HEMK2: variants seen among roughly 807,000 people sequenced by gnomAD.
HEMK2 encodes the protein methyltransferase HEMK2.
the HEMK2 span, among the ~76,000 whole-genome samples, chr21:28,677,109 C>G: frequency 6.6e-6 from 1 of 152,164 alleles, no homozygotes; most frequent in Non-Finnish European, 1.5e-5. Context: ...CATCGCCTCA[C>G]CCGGTAAGCG....
the HEMK2 span, among the ~76,000 whole-genome samples, chr21:28,595,447 G>C: frequency 6.6e-6 from 1 of 152,062 alleles, no homozygotes; most frequent in African/African-American, 2.4e-5. Flanking sequence ...GTCTTTCTGT[G>C]CCTGGCTTAT....
At chr21:28,617,647 T>C in the HEMK2 span, among the ~76,000 whole-genome samples, 2 of 152,230 alleles carry the variant, frequency 1.3e-5, no homozygotes, top group Admixed American at 1.3e-4. Flanking sequence ...TAGCAGCTCA[T>C]GATATGGCAC....
At chr21:28,806,774 C>T in the HEMK2 span, among the ~76,000 whole-genome samples, 4 of 152,122 alleles carry the variant, frequency 2.6e-5, no homozygotes, top group Non-Finnish European at 4.4e-5. Context: ...TATGCTGCCA[C>T]GCACCAAAGA....
At chr21:28,749,381 A>G in the HEMK2 span, among the ~76,000 whole-genome samples, 174 of 152,294 alleles carry the variant, frequency 1.1e-3, no homozygotes, top group South Asian at 2.3e-3. Context: ...GGTAAATACT[A>G]TTATTATCCC....
the HEMK2 span, among the ~76,000 whole-genome samples, chr21:28,575,936 T>C: frequency 6.6e-6 from 1 of 152,234 alleles, no homozygotes; most frequent in East Asian, 1.9e-4. Context: ...GTTCCTTTTA[T>C]CATTGAGTGG....
the HEMK2 span, among the ~76,000 whole-genome samples, chr21:28,645,878 G>C: frequency 2.6e-5 from 4 of 152,132 alleles, no homozygotes; most frequent in South Asian, 8.3e-4. Flanking sequence ...TCAGAACTGT[G>C]AGCAATAAGT....
At chr21:28,648,679 C>G in the HEMK2 span, among the ~76,000 whole-genome samples, 1 of 152,142 alleles carries the variant, frequency 6.6e-6, no homozygotes, top group Admixed American at 6.5e-5. Flanking sequence ...TTAAAGAACC[C>G]ACTCACCATA....
chr21:28,639,635 T>C, the HEMK2 span, among the ~76,000 whole-genome samples: 2 of 152,230 alleles, frequency 1.3e-5, no homozygotes, highest in Admixed American at 6.5e-5. Context: ...CTCATAAATA[T>C]TAGCATTATA....
At chr21:28,863,741 AG>A in the HEMK2 span, among the ~76,000 whole-genome samples, 1 of 152,078 alleles carries the variant, frequency 6.6e-6, no homozygotes, top group African/African-American at 2.4e-5. Flanking sequence ...TGTTTTTCAG[AG>A]TAAGATTATC....
At chr21:28,803,272 G>C in the HEMK2 span, among the ~76,000 whole-genome samples, 18 of 152,270 alleles carry the variant, frequency 1.2e-4, no homozygotes, top group African/African-American at 4.1e-4. Flanking sequence ...CTGATCCCAA[G>C]GGATTAACAT....
the HEMK2 span, among the ~76,000 whole-genome samples, chr21:28,644,902 A>G: frequency 6.6e-6 from 1 of 152,212 alleles, no homozygotes; most frequent in East Asian, 1.9e-4. Flanking sequence ...ATTTGAGTTT[A>G]AGAACCTCTC....
the HEMK2 span, among the ~76,000 whole-genome samples, chr21:28,844,598 A>T: frequency 6.6e-6 from 1 of 152,078 alleles, no homozygotes; most frequent in Non-Finnish European, 1.5e-5. Flanking sequence ...TGGGCCAAGA[A>T]GCACACATAT....
chr21:28,666,748 A>C, the HEMK2 span, among the ~76,000 whole-genome samples: 1 of 152,274 alleles, frequency 6.6e-6, no homozygotes, highest in East Asian at 1.9e-4. Flanking sequence ...TGATATATAT[A>C]AATCCTGTTT....
chr21:28,866,843 CAAGT>C, the HEMK2 span, among the ~76,000 whole-genome samples: 3 of 152,090 alleles, frequency 2.0e-5, no homozygotes, highest in Non-Finnish European at 2.9e-5. Flanking sequence ...TACAGATCAA[CAAGT>C]AAAAAGACAA....
the HEMK2 span, chr21:28,885,334 C>G: frequency 1.9e-6 from 3 of 1,579,710 alleles, no homozygotes; most frequent in Admixed American, 1.7e-5. Flanking sequence ...TAGCGAAGTT[C>G]TCCCCTGCCA....
At chr21:28,838,972 A>AAAAAAAATATATATATATATATAT in the HEMK2 span, among the ~76,000 whole-genome samples, 1 of 29,154 alleles carries the variant, frequency 3.4e-5, no homozygotes, top group Non-Finnish European at 5.6e-5. Flanking sequence ...AAAAAAAAAA[A>AAAAAAAATATATATATATATATAT]ATATATATAT....
chr21:28,762,537 T>C, the HEMK2 span, among the ~76,000 whole-genome samples: 1 of 152,128 alleles, frequency 6.6e-6, no homozygotes, highest in East Asian at 1.9e-4. Context: ...CTTTGACTAA[T>C]GTTCCAGAAC....
At chr21:28,813,902 C>T in the HEMK2 span, among the ~76,000 whole-genome samples, 3 of 152,128 alleles carry the variant, frequency 2.0e-5, no homozygotes, top group African/African-American at 7.2e-5. Flanking sequence ...GGACCCCTTC[C>T]TTACACCTTA....
chr21:28,805,237 T>G, the HEMK2 span, among the ~76,000 whole-genome samples: 2 of 152,194 alleles, frequency 1.3e-5, no homozygotes, highest in Admixed American at 1.3e-4. Context: ...AAACTCCATT[T>G]GCACTCTGAC....
Sources: allele counts gnomAD v4.1 joint callset (sites outside exome capture counted in the v4.1 genomes callset), GRCh38; gene constraint gnomAD v4.1.1; transcripts MANE v1.5; gene names NCBI Gene and HGNC (gene_info 2026-07-23, HGNC 2026-07-21).